The following TF variants were observed in gnomAD, a reference collection of about 807,000 sequenced individuals.
TF encodes serotransferrin.
TF carries 55 observed loss-of-function variants against 82.4 expected under a neutral mutation model. That is an observed-to-expected ratio of 0.67 (90% CI 0.54 to 0.84). TF has a LOEUF of 0.84. Ranked by LOEUF, TF falls within the 40% of genes least tolerant of loss-of-function variation. The probability of loss-of-function intolerance (pLI) is 0.00; values close to 1 mark genes in which losing one functional copy is unlikely to be tolerated. For synonymous variants in TF, 332 were observed against 332.6 expected (o/e 1.00, Z 0.02); for missense variants, 737 against 868.4 (o/e 0.85, Z 1.90).
At chr3:133,665,480 A>AG in the TF span, among the ~76,000 whole-genome samples, 1 of 151,186 alleles carries the variant, frequency 6.6e-6, no homozygotes, top group Non-Finnish European at 1.5e-5. Context: ...AAAAAAAAAA[A>AG]AGAAAAAAGA....
chr3:133,677,527 C>T, the TF span, among the ~76,000 whole-genome samples: 64 of 152,182 alleles, frequency 4.2e-4, no homozygotes, highest in African/African-American at 1.5e-3. Flanking sequence ...ATCCCAGCTA[C>T]TCGGGAGGCT....
chr3:133,765,532 T>C (rs769957128), intron 11 of TF, among the ~76,000 whole-genome samples: 14 of 152,282 alleles, frequency 9.2e-5, no homozygotes, highest in Non-Finnish European at 1.3e-4. Context: ...GCAGGTCACA[T>C]TCCAGACAGC....
At chr3:133,747,881 A>G (rs1361107433) in intron 1 of TF, among the ~76,000 whole-genome samples, 1 of 151,608 alleles carries the variant, frequency 6.6e-6, no homozygotes, top group African/African-American at 2.4e-5. Context: ...GAGTCTGGAG[A>G]CCCAGATTCT....
the TF span, among the ~76,000 whole-genome samples, chr3:133,725,444 T>C: frequency 6.6e-6 from 1 of 152,098 alleles, no homozygotes; most frequent in African/African-American, 2.4e-5. Flanking sequence ...CACTCATGAT[T>C]TGGCTCTCTG....
chr3:133,714,745 C>A, the TF span, among the ~76,000 whole-genome samples: 2 of 152,162 alleles, frequency 1.3e-5, no homozygotes, highest in South Asian at 4.2e-4. Flanking sequence ...TGTGGTGGTG[C>A]GATCTCGGCT....
the TF span, among the ~76,000 whole-genome samples, chr3:133,663,739 G>T: frequency 1.3e-5 from 2 of 152,184 alleles, no homozygotes; most frequent in African/African-American, 4.8e-5. Context: ...GGCACGTGCT[G>T]TCTGCCCATC....
At chr3:133,696,207 T>G in the TF span, among the ~76,000 whole-genome samples, 9 of 152,114 alleles carry the variant, frequency 5.9e-5, no homozygotes, top group Non-Finnish European at 8.8e-5. Context: ...GGAGAATCGC[T>G]TAAGCCTCCA....
In TF at chr3:133,755,257, T is replaced by C. The variant is rs574067647; in HGVS notation, c.503-106T>C. 4 of 1,465,004 alleles carry C rather than the reference T, an allele frequency of 2.7e-6. No individual in the cohort carries two copies. In the East Asian group the frequency reaches 6.8e-5, roughly 25 times the overall value. The allele number at this position is 1,465,004 out of a possible 1,614,324, so 90.8% of individuals were successfully genotyped here. ...GGCAAGCTGGGGCTGCATGTGCTGGTTTGGTTTTAGTCCCCTCTGTTCCCT... is the reference window on the plus strand; with the variant it reads ...GGCAAGCTGGGGCTGCATGTGCTGGCTTGGTTTTAGTCCCCTCTGTTCCCT... On this transcript the variant is annotated intron_variant, in intron 4 of 16. Transcript: ENST00000402696.
upstream of TF, among the ~76,000 whole-genome samples, chr3:133,742,221 A>C (rs1933406183): frequency 6.6e-6 from 1 of 152,100 alleles, no homozygotes; most frequent in African/African-American, 2.4e-5. Context: ...AGCTCAAGCA[A>C]TCCTCCTGCC....
Position 133,775,457 on chromosome 3 carries a change from A to C in TF, c.1712A>C (p.Lys571Thr). ...GGAAAAAACCCTGATCCATGGGCTA[A>C]GAATCTGAATGAAAAAGACTATGAG... Reference protein sequence around the residue: ...TGGKNPDPWAKNLNEKDYELL... With the variant: ...TGGKNPDPWATNLNEKDYELL... Residue 571 changes from lysine to threonine, a missense_variant, in exon 15 of 17, where the codon AAG becomes ACG. Physicochemically the swap from Lys to Thr is moderately conservative, Grantham distance 78. Transcript: ENST00000402696. The C allele has an allele frequency of 6.2e-7, 1 of 1,614,244 alleles. No individual in the cohort carries two copies. The highest frequency in any genetic ancestry group is 1.3e-5 in the African/African-American group (1 of 75,068).
chr3:133,676,586 A>C, the TF span, among the ~76,000 whole-genome samples: 1 of 152,156 alleles, frequency 6.6e-6, no homozygotes, highest in Admixed American at 6.5e-5. Context: ...AGGGCAGAGC[A>C]AGAGGAAGGC....
intron 10 of TF, among the ~76,000 whole-genome samples, chr3:133,764,617 T>C (rs958808527): frequency 1.3e-5 from 2 of 152,190 alleles, no homozygotes; most frequent in African/African-American, 4.8e-5. Flanking sequence ...TTAAATATAG[T>C]TGGCTAGCAC....
chr3:133,699,852 A>C, the TF span: 1 of 204,280 alleles, frequency 4.9e-6, no homozygotes. Context: ...TGGACTGAAG[A>C]CTCTCTGCAG....
At chr3:133,673,168 T>C in the TF span, among the ~76,000 whole-genome samples, 1 of 152,210 alleles carries the variant, frequency 6.6e-6, no homozygotes. Flanking sequence ...CATCCCTAAG[T>C]GCACGAAAAG....
At chr3:133,775,701 T>G in intron 15 of TF, 84 bp downstream of exon 15, 1 of 1,387,860 alleles carries the variant, frequency 7.2e-7, no homozygotes, top group Admixed American at 1.7e-5. Flanking sequence ...AGTGCAGCCA[T>G]GACTCCAGCA....
the TF span, among the ~76,000 whole-genome samples, chr3:133,736,917 A>G: frequency 0.74 from 112,108 of 151,964 alleles, 42,046 homozygotes; most frequent in East Asian, 0.95. Flanking sequence ...TAATGAGACA[A>G]AAAATTAACA....
chr3:133,774,875 T>C (rs1437821141), intron 14 of TF: 3 of 289,536 alleles, frequency 1.0e-5, no homozygotes, highest in East Asian at 9.6e-5. Context: ...TTTTTTTTTT[T>C]CAGAGACAAT....
intron 2 of TF, among the ~76,000 whole-genome samples, chr3:133,751,295 C>T (rs8177205): frequency 0.09 from 13,111 of 145,108 alleles, 710 homozygotes; most frequent in Non-Finnish European, 0.11. Flanking sequence ...TGCAGTGGCG[C>T]GATCTCGACT....
At chr3:133,750,885 T>A (rs1933644322) in intron 2 of TF, among the ~76,000 whole-genome samples, 1 of 152,212 alleles carries the variant, frequency 6.6e-6, no homozygotes, top group South Asian at 2.1e-4. Flanking sequence ...GCACCCTGTT[T>A]GCTTCATTTT....
Sources: gnomAD v4.1 joint callset for allele counts (sites outside exome capture counted in the v4.1 genomes callset) on GRCh38, gnomAD v4.1.1 for gene constraint, MANE v1.5 for transcripts, NCBI Gene and HGNC (gene_info 2026-07-23, HGNC 2026-07-21) for gene names.